Variants in CFAP69 observed in about 807,000 individuals in gnomAD.
CFAP69 encodes the protein cilia- and flagella-associated protein 69.
In CFAP69, 92 loss-of-function variants were observed where a neutral mutation model predicts 123.0. The ratio of observed to expected loss-of-function variants is 0.75; its 90% CI spans 0.63 to 0.89. CFAP69 has a LOEUF of 0.89. Among genes scored for constraint, CFAP69 ranks in the 40% least tolerant of loss-of-function variants. CFAP69 has a pLI of 0.00. For missense variants in CFAP69, 1,067 were observed against 1,096.9 expected (o/e 0.97, Z 0.39); for synonymous variants, 380 against 364.3 (o/e 1.04, Z -0.49).
intron 14 of CFAP69, chr7:90,287,806 T>TAGTTAAAACA: frequency 1.1e-6 from 1 of 902,158 alleles, no homozygotes; most frequent in Non-Finnish European, 1.3e-6. Flanking sequence ...TTATTAAATG[T>TAGTTAAAACA]TTTAACTACA....
intron 15 of CFAP69, among the ~76,000 whole-genome samples, chr7:90,295,465 T>C (rs1009666311): frequency 6.6e-6 from 1 of 152,200 alleles, no homozygotes; most frequent in African/African-American, 2.4e-5. Flanking sequence ...CTCTTTCCTT[T>C]GGTTTGGGGC....
At chr7:90,282,762 T>C (rs1305687871) in intron 12 of CFAP69, 130 bp from the exon 13 acceptor site, 1 of 651,480 alleles carries the variant, frequency 1.5e-6, no homozygotes, top group Non-Finnish European at 2.3e-6. Flanking sequence ...TTTATTTCTC[T>C]AAAAAAAAAC....
intron 16 of CFAP69, 24 bp from the exon 17 acceptor site, chr7:90,299,843 T>C: frequency 6.5e-7 from 1 of 1,547,610 alleles, no homozygotes. Flanking sequence ...GCAACTTTTT[T>C]CCTTTTCTGT....
chr7:90,274,120 A>C lies in CFAP69; in HGVS notation c.984+10A>C, dbSNP rs1389367553. 1.3e-6 allele frequency: 2 copies of C among 1,591,674 alleles called. No individual in the cohort carries two copies. The highest frequency in any genetic ancestry group is 1.9e-5 in the Admixed American group (1 of 53,830). On this transcript the variant is annotated intron_variant, in intron 9 of 22. Coordinates refer to ENST00000389297, the MANE Select transcript of CFAP69 (RefSeq NM_001039706.3). ...TGAAGCACCAATGATTGTAAGTATG[A>C]ATCAAATTGCATTAATTTTAATTGT...
chr7:90,265,502 T>C, intron 5 of CFAP69, 125 bp downstream of exon 5: 1 of 611,416 alleles, frequency 1.6e-6, no homozygotes. Context: ...TCTTCTCTTG[T>C]TAGTGAATTA....
intron 14 of CFAP69, 24 bp downstream of exon 14, chr7:90,286,423 G>T: frequency 6.2e-7 from 1 of 1,607,222 alleles, no homozygotes; most frequent in Non-Finnish European, 8.5e-7. Flanking sequence ...TGAAAGTTTT[G>T]TTCAGGTCTC....
In CFAP69 at chr7:90,247,570, G is replaced by A. The variant is rs545615326; in HGVS notation, c.120+2026G>A. Among the ~76,000 whole-genome samples, 7 of 152,140 alleles carry A rather than the reference G, an allele frequency of 4.6e-5. No homozygotes were observed. The East Asian group carries it at 5.8e-4, about 13-fold the overall frequency. ...TTAAATTAAATAATATATATAGGCCGGGTGTGGTGGTTCACACCTGTAATC... is the reference window on the plus strand; with the variant it reads ...TTAAATTAAATAATATATATAGGCCAGGTGTGGTGGTTCACACCTGTAATC... On this transcript the variant is annotated intron_variant, in intron 1 of 22. Coordinates refer to ENST00000389297, the MANE Select transcript of CFAP69 (RefSeq NM_001039706.3).
At chr7:90,245,925 T>G (rs1434400632) in intron 1 of CFAP69, among the ~76,000 whole-genome samples, 6 of 152,214 alleles carry the variant, frequency 3.9e-5, no homozygotes, top group Non-Finnish European at 8.8e-5. Context: ...CTGAACTTTT[T>G]AATACGTAGA....
intron 17 of CFAP69, 101 bp downstream of exon 17, chr7:90,300,160 T>C: frequency 2.8e-6 from 3 of 1,068,814 alleles, no homozygotes; most frequent in Non-Finnish European, 3.4e-6. Flanking sequence ...CCCCTTTGTC[T>C]AAAGTTTTTT....
chr7:90,259,061 C>A (rs1481800217), intron 3 of CFAP69, among the ~76,000 whole-genome samples: 1 of 152,090 alleles, frequency 6.6e-6, no homozygotes, highest in Admixed American at 6.6e-5. Context: ...AATATATTAT[C>A]CCTACTAAAT....
rs1388627663 is a variant in CFAP69 at position 90,310,425 on chromosome 7, G to A, written c.*187G>A. 6.2e-6 allele frequency: 2 copies of A among 321,828 alleles called. No individual in the cohort carries two copies. The highest frequency in any genetic ancestry group is 1.1e-4 in the East Asian group (2 of 18,058). The allele number at this position is 321,828 out of a possible 1,614,324, so 19.9% of individuals were successfully genotyped here. The stretch of plus-strand genomic sequence containing the variant: ...AACATCAACATGTAATATCAGAAGA[G>A]TTGTCATCAGTTTCTTTGGAAAGGC... On this transcript the variant is annotated 3_prime_UTR_variant, in exon 23 of 23. Coordinates refer to ENST00000389297, the MANE Select transcript of CFAP69 (RefSeq NM_001039706.3).
intron 1 of CFAP69, among the ~76,000 whole-genome samples, chr7:90,251,329 C>T (rs934629753): frequency 1.3e-5 from 2 of 152,104 alleles, no homozygotes; most frequent in African/African-American, 4.8e-5. Flanking sequence ...TAGAGGTGGA[C>T]TAGCTGGAAG....
At chr7:90,322,002 G>A in the CFAP69 span, among the ~76,000 whole-genome samples, 2 of 152,234 alleles carry the variant, frequency 1.3e-5, no homozygotes, top group South Asian at 2.1e-4. Context: ...CCTCAGGCAG[G>A]CCACCCTTCT....
chr7:90,283,039 C>A lies in CFAP69; in HGVS notation c.1520C>A (p.Thr507Lys). The change falls in exon 13 of 23, where the codon ACA becomes AAA. Residue 507 changes from threonine (T) to lysine (K), a missense_variant. By Grantham distance (78) the Thr-to-Lys change is moderately conservative. Transcript: ENST00000389297. ...AACAAAGATCTTTGTGAAAAGGGAA[C>A]AATTCAGCAAATGATAGGTAAAATA... ...TVNKDLCEKG[T>K]IQQMIGIFKN... The A allele has an allele frequency of 1.3e-6, 2 of 1,559,428 alleles. No homozygotes were observed. Among genetic ancestry groups the A allele is most frequent in the East Asian group, 2.4e-5 (1 of 41,890 alleles).
At chr7:90,268,477 C>T in intron 6 of CFAP69, 93 bp downstream of exon 6, 1 of 917,300 alleles carries the variant, frequency 1.1e-6, no homozygotes, top group Non-Finnish European at 1.7e-6. Context: ...ACAGTGGGCT[C>T]ATAAATGTAA....
chr7:90,283,162 A>T, intron 13 of CFAP69, 106 bp downstream of exon 13: 1 of 791,064 alleles, frequency 1.3e-6, no homozygotes, highest in Non-Finnish European at 1.8e-6. Context: ...ATGACTGAGA[A>T]ATTCCTGAAT....
intron 17 of CFAP69, 91 bp downstream of exon 17, chr7:90,300,150 C>A: frequency 8.1e-7 from 1 of 1,235,290 alleles, no homozygotes; most frequent in Admixed American, 4.5e-5. Context: ...AGGCCTTTCA[C>A]CCCTTTGTCT....
chr7:90,264,369 G>A (rs965480806), intron 4 of CFAP69, among the ~76,000 whole-genome samples: 1 of 151,734 alleles, frequency 6.6e-6, no homozygotes, highest in African/African-American at 2.4e-5. Flanking sequence ...TGTGAAATGC[G>A]ATTCTAATAT....
At chr7:90,270,515 CTCT>C (rs1799796073) in intron 6 of CFAP69, among the ~76,000 whole-genome samples, 3 of 152,034 alleles carry the variant, frequency 2.0e-5, no homozygotes, top group African/African-American at 4.8e-5. Flanking sequence ...TTTTACCTTC[CTCT>C]TCTTACTTTT....
Sources: gnomAD v4.1 joint callset for allele counts (sites outside exome capture counted in the v4.1 genomes callset) on GRCh38, gnomAD v4.1.1 for gene constraint, MANE v1.5 for transcripts, NCBI Gene and HGNC (gene_info 2026-07-23, HGNC 2026-07-21) for gene names.